RGPD1: variants seen among roughly 807,000 people sequenced by gnomAD.
The protein encoded by RGPD1 is RANBP2-like and GRIP domain-containing protein 1.
RGPD1 carries 7 observed loss-of-function variants against 40.6 expected under a neutral mutation model. The ratio of observed to expected loss-of-function variants is 0.17; its 90% CI spans 0.10 to 0.32. The LOEUF is 0.32. Among genes scored for constraint, RGPD1 ranks in the 10% least tolerant of loss-of-function variants. The pLI is 1.00. For missense variants in RGPD1, 50 were observed against 472.5 expected (o/e 0.11, Z 8.29); for synonymous variants, 24 against 167.0 (o/e 0.14, Z 6.60).
chr2:86,920,152 C>T (rs1218277059), intron 1 of RGPD1, among the ~76,000 whole-genome samples: 2 of 151,902 alleles, frequency 1.3e-5, no homozygotes, highest in Non-Finnish European at 2.9e-5. Flanking sequence ...TCATTACAAC[C>T]TCTGCCTCCT....
In RGPD1 at chr2:86,930,188, G is replaced by T; in HGVS notation, c.72+16267G>T. 1.4e-6 allele frequency: 2 copies of T among 1,446,056 alleles called. 1 individual carries two copies. The highest frequency in any genetic ancestry group is 3.6e-5 in the Admixed American group (2 of 56,178). The allele number at this position is 1,446,056 out of a possible 1,614,324, so 89.6% of individuals were successfully genotyped here. On this transcript the variant is annotated intron_variant, in intron 1 of 22. Coordinates refer to the RGPD1 transcript ENST00000398193. ...CCTGCCCCAGACTCACCCTCCTGAT[G>T]AGGGAGGGCACTCTGGTGGGAGGAA...
chr2:86,916,511 CT>C (rs1298340299), intron 1 of RGPD1, among the ~76,000 whole-genome samples: 39 of 31,876 alleles, frequency 1.2e-3, no homozygotes, highest in South Asian at 2.5e-3. Flanking sequence ...TTCATAGTGA[CT>C]TTTTTTTTTT....
At chr2:86,942,826 G>A (rs938020964) in intron 1 of RGPD1, among the ~76,000 whole-genome samples, 2 of 152,000 alleles carry the variant, frequency 1.3e-5, no homozygotes, top group Non-Finnish European at 2.9e-5. Context: ...GCGCTTGCAA[G>A]CGCAGGAAGA....
At chr2:86,923,356 T>G in intron 1 of RGPD1, among the ~76,000 whole-genome samples, 1 of 151,428 alleles carries the variant, frequency 6.6e-6, no homozygotes, top group Non-Finnish European at 1.5e-5. Flanking sequence ...GTGTTATTCT[T>G]AAGTGGTCCA....
At chr2:86,988,460 C>CA (rs1158180661) in intron 20 of RGPD1, among the ~76,000 whole-genome samples, 10 of 72,102 alleles carry the variant, frequency 1.4e-4, no homozygotes, top group South Asian at 6.0e-4. Context: ...AAAAAAAAAA[C>CA]AAAAAAACAA....
At chr2:86,923,578 A>G (rs1678212218) in intron 1 of RGPD1, among the ~76,000 whole-genome samples, 1 of 146,536 alleles carries the variant, frequency 6.8e-6, no homozygotes, top group African/African-American at 2.5e-5. Flanking sequence ...CAGTGGCACG[A>G]TGTTGGCTCA....
At chr2:86,928,217 A>G (rs1047013300) in intron 1 of RGPD1, among the ~76,000 whole-genome samples, 1 of 151,162 alleles carries the variant, frequency 6.6e-6, no homozygotes, top group Non-Finnish European at 1.5e-5. Context: ...ATACAAGACA[A>G]CAATCCAGAC....
chr2:86,947,823 G>A (rs1680415304), intron 1 of RGPD1, among the ~76,000 whole-genome samples: 1 of 120,056 alleles, frequency 8.3e-6, no homozygotes. Context: ...CACAGATTTG[G>A]AGCTGATCAG....
chr2:86,941,964 G>A (rs574803495), upstream of RGPD1, among the ~76,000 whole-genome samples: 14 of 151,152 alleles, frequency 9.3e-5, no homozygotes, highest in Middle Eastern at 3.4e-3. Flanking sequence ...CGCCCGCCTC[G>A]GCCTCCCAAA....
chr2:86,914,463 CGG>C (rs1677654807), intron 1 of RGPD1, among the ~76,000 whole-genome samples: 1 of 14,626 alleles, frequency 6.8e-5, no homozygotes, highest in Non-Finnish European at 1.1e-4. Context: ...GCGGCGGCGG[CGG>C]CGGCGGCGGC....
intron 6 of RGPD1, among the ~76,000 whole-genome samples, chr2:86,962,799 G>A (rs1242258753): frequency 7.7e-5 from 1 of 13,008 alleles, no homozygotes; most frequent in Admixed American, 7.4e-4. Context: ...GGAAATAACT[G>A]GGAATAAGAC....
chr2:86,955,961 C>G (rs1196039955), intron 4 of RGPD1, among the ~76,000 whole-genome samples: 4 of 150,208 alleles, frequency 2.7e-5, no homozygotes, highest in Admixed American at 6.6e-5. Context: ...CTTTGAAGCA[C>G]TCTTTAAAGA....
At chr2:86,925,969 C>T (rs557560785) in intron 1 of RGPD1, among the ~76,000 whole-genome samples, 1 of 152,144 alleles carries the variant, frequency 6.6e-6, no homozygotes, top group African/African-American at 2.4e-5. Context: ...ATTTTCACAC[C>T]TGGAGTTAAA....
upstream of RGPD1, among the ~76,000 whole-genome samples, chr2:86,941,786 C>T (rs1679778593): frequency 6.6e-6 from 1 of 150,436 alleles, no homozygotes; most frequent in Non-Finnish European, 1.5e-5. Context: ...TCTCAGCTCA[C>T]TGCAACCCTC....
chr2:86,996,214 CT>C (rs1333748485), intron 21 of RGPD1, among the ~76,000 whole-genome samples: 4 of 3,298 alleles, frequency 1.2e-3, no homozygotes, highest in African/African-American at 2.3e-3. Flanking sequence ...GTTATATTTT[CT>C]TTTTTTTTTT....
At chr2:86,951,873 GTTTTTTTTTTTTTT>G (rs71269535) in intron 2 of RGPD1, among the ~76,000 whole-genome samples, 1 of 50,980 alleles carries the variant, frequency 2.0e-5, no homozygotes, top group Admixed American at 2.2e-4. Context: ...GGGAGGCAGG[GTTTTTTTTTTTTTT>G]TTTTTTTTTT....
intron 1 of RGPD1, among the ~76,000 whole-genome samples, chr2:86,925,926 A>T (rs567111880): frequency 3.5e-4 from 53 of 152,202 alleles, no homozygotes; most frequent in Admixed American, 1.1e-3. Flanking sequence ...ATGAATAATT[A>T]AAAAAATCCA....
chr2:87,006,516 CTTT>C (rs1682046202), intron 22 of RGPD1, among the ~76,000 whole-genome samples: 1 of 134,842 alleles, frequency 7.4e-6, no homozygotes, highest in Non-Finnish European at 1.5e-5. Context: ...AATCCCAGCA[CTTT>C]GGGAGGCTGA....
At chr2:86,924,440 C>T (rs1419580729) in intron 1 of RGPD1, among the ~76,000 whole-genome samples, 1 of 150,580 alleles carries the variant, frequency 6.6e-6, no homozygotes, top group African/African-American at 2.4e-5. Flanking sequence ...CAGGTGTGAG[C>T]CACCATGCCC....
Sources: gnomAD v4.1 joint callset for allele counts (sites outside exome capture counted in the v4.1 genomes callset) on GRCh38, gnomAD v4.1.1 for gene constraint, MANE v1.5 for transcripts, NCBI Gene and HGNC (gene_info 2026-07-23, HGNC 2026-07-21) for gene names.